Variants in MTFR1 observed in about 807,000 individuals in gnomAD.
MTFR1 encodes the protein mitochondrial fission regulator 1, also known as chondrocyte protein with a poly-proline region.
Under a neutral mutation model 38.8 loss-of-function variants are expected in MTFR1, and 28 were observed. The observed-to-expected ratio is 0.72, with a 90% CI of 0.53 to 0.99. MTFR1 has a LOEUF of 0.99. Among genes scored for constraint, MTFR1 ranks in the 50% least tolerant of loss-of-function variants. The pLI, the probability that MTFR1 is intolerant of heterozygous loss-of-function variation, is 0.00. For synonymous variants in MTFR1, 145 were observed against 137.0 expected, an observed-to-expected ratio of 1.06 and a Z score of -0.41; for missense variants, 358 against 395.5, an observed-to-expected ratio of 0.91 and a Z score of 0.81.
downstream of MTFR1, among the ~76,000 whole-genome samples, chr8:65,775,319 G>A (rs552987758): frequency 2.5e-4 from 38 of 152,062 alleles, no homozygotes; most frequent in Non-Finnish European, 4.3e-4. Flanking sequence ...TTTTCTTAGT[G>A]TATTTTGATA....
At chr8:65,751,829 A>G (rs1361854999) in intron 3 of MTFR1, among the ~76,000 whole-genome samples, 1 of 152,248 alleles carries the variant, frequency 6.6e-6, no homozygotes, top group Admixed American at 6.5e-5. Flanking sequence ...ATAGAAACAT[A>G]TTATTTTTCT....
chr8:65,683,957 T>C (rs1804987689), intron 3 of MTFR1, among the ~76,000 whole-genome samples: 1 of 152,248 alleles, frequency 6.6e-6, no homozygotes, highest in Non-Finnish European at 1.5e-5. Flanking sequence ...GCTATTATGT[T>C]AACTAAGTTT....
At chr8:65,672,910 G>C (rs1405745568) in intron 2 of MTFR1, among the ~76,000 whole-genome samples, 2 of 152,206 alleles carry the variant, frequency 1.3e-5, no homozygotes, top group Non-Finnish European at 2.9e-5. Context: ...GTTGTGGCTG[G>C]TTTGATATTT....
At chr8:65,739,644 C>T in intron 3 of MTFR1, 1 of 1,418,886 alleles carries the variant, frequency 7.0e-7, no homozygotes, top group Non-Finnish European at 9.3e-7. Context: ...TACAAGTCAA[C>T]ACAATTATAT....
In MTFR1 at chr8:65,756,409, C is replaced by T. The variant is rs183443573; in HGVS notation, c.*49-14538C>T. Among the ~76,000 whole-genome samples, 654 of 152,250 alleles carry T rather than the reference C, an allele frequency of 4.3e-3. 1 individual carries two copies. Among genetic ancestry groups the T allele is most frequent in the Non-Finnish European group, 7.2e-3 (488 of 68,002 alleles). ...GTACACTTGATGGTGCCACCAGTCT[C>T]TCAGGCTCTGTTCATTTCTCTTTTT... On this transcript the variant is annotated intron_variant, in intron 3 of 3. Transcript: ENST00000521247.
chr8:65,717,548 TA>T (rs1222633556), intron 2 of MTFR1: 1 of 152,208 alleles, frequency 6.6e-6, no homozygotes, highest in Non-Finnish European at 1.5e-5. Context: ...GGTGAGTCAT[TA>T]GTAGATAAGC....
intron 3 of MTFR1, among the ~76,000 whole-genome samples, chr8:65,692,011 A>G (rs1485882709): frequency 6.6e-6 from 1 of 152,210 alleles, no homozygotes; most frequent in Non-Finnish European, 1.5e-5. Context: ...ATTTAAGTAT[A>G]TCTTCCAAAA....
At chr8:65,676,566 G>A (rs538550601) in intron 2 of MTFR1, among the ~76,000 whole-genome samples, 73 of 152,190 alleles carry the variant, frequency 4.8e-4, no homozygotes, top group African/African-American at 1.7e-3. Flanking sequence ...GTTTCACCAT[G>A]TTGGCCAGGC....
At chr8:65,742,450 G>A (rs1424610786) in intron 3 of MTFR1, among the ~76,000 whole-genome samples, 1 of 152,174 alleles carries the variant, frequency 6.6e-6, no homozygotes. Flanking sequence ...TAGCAGACAA[G>A]CTGGGAACGA....
intron 3 of MTFR1, chr8:65,723,066 CT>C (rs1282644360): frequency 6.6e-6 from 1 of 152,474 alleles, no homozygotes; most frequent in Non-Finnish European, 1.5e-5. Flanking sequence ...TTATAAGGGC[CT>C]GTCTAGGATG....
chr8:65,769,204 C>A (rs554445141), intron 3 of MTFR1, among the ~76,000 whole-genome samples: 3 of 143,440 alleles, frequency 2.1e-5, no homozygotes, highest in Non-Finnish European at 4.5e-5. Flanking sequence ...GCTAAGATCA[C>A]GCCACTGCAC....
rs1481381561 is a variant in MTFR1, at chr8:65,737,733, G to T, written c.*48+18252G>T. Reference sequence around the variant, plus strand: ...GGGGTTTCACCATGTTGGCCAGGATGGTTTTGAACTCCTGGCCTCAAGTGA... The same window carrying T: ...GGGGTTTCACCATGTTGGCCAGGATTGTTTTGAACTCCTGGCCTCAAGTGA... On this transcript the variant is annotated intron_variant, in intron 3 of 3. Transcript: ENST00000521247. Among the ~76,000 whole-genome samples, 3 of 152,090 alleles carry T rather than the reference G, an allele frequency of 2.0e-5. No homozygotes were observed. The East Asian group carries it at 5.8e-4, about 29-fold the overall frequency.
chr8:65,687,813 A>G (rs1437361244), intron 3 of MTFR1, among the ~76,000 whole-genome samples: 1 of 152,038 alleles, frequency 6.6e-6, no homozygotes, highest in Non-Finnish European at 1.5e-5. Context: ...AAAATACAGC[A>G]ATTCGGCTAG....
intron 4 of MTFR1, among the ~76,000 whole-genome samples, chr8:65,695,130 C>T (rs1174199497): frequency 6.6e-6 from 1 of 152,070 alleles, no homozygotes; most frequent in Non-Finnish European, 1.5e-5. Flanking sequence ...AGAAAAGAGC[C>T]AGACCAAGAA....
chr8:65,729,095 CAG>C (rs1310167473), intron 3 of MTFR1, among the ~76,000 whole-genome samples: 1 of 152,034 alleles, frequency 6.6e-6, no homozygotes, highest in African/African-American at 2.4e-5. Flanking sequence ...GATTAAAAGA[CAG>C]ATGTTATTTC....
intron 2 of MTFR1, chr8:65,719,334 C>T (rs771191171): frequency 2.5e-6 from 4 of 1,614,006 alleles, no homozygotes; most frequent in Non-Finnish European, 2.5e-6. Flanking sequence ...GAGTTCAACT[C>T]AAATGCAGCA....
intron 1 of MTFR1, among the ~76,000 whole-genome samples, chr8:65,667,053 G>A (rs1430831813): frequency 6.6e-6 from 1 of 152,112 alleles, no homozygotes; most frequent in Non-Finnish European, 1.5e-5. Context: ...GTGGTGGATC[G>A]CCTGAGGTGA....
intron 3 of MTFR1, chr8:65,689,620 T>A: frequency 1.6e-6 from 2 of 1,269,174 alleles, no homozygotes; most frequent in Non-Finnish European, 2.0e-6. Context: ...CTTTTCTTTC[T>A]CAAACTTCCC....
At chr8:65,649,253 C>A (rs57220512) in intron 1 of MTFR1, among the ~76,000 whole-genome samples, 22,812 of 151,816 alleles carry the variant, frequency 0.15, 1,766 homozygotes, top group Middle Eastern at 0.19. Flanking sequence ...CACACGATCT[C>A]GGCTCACTGC....
Sources: gnomAD v4.1 joint callset for allele counts (sites outside exome capture counted in the v4.1 genomes callset) on GRCh38, gnomAD v4.1.1 for gene constraint, MANE v1.5 for transcripts, NCBI Gene and HGNC (gene_info 2026-07-23, HGNC 2026-07-21) for gene names.